Variants in ERC1 observed in about 807,000 individuals in gnomAD.
The protein encoded by ERC1 is ELKS/RAB6-interacting/CAST family member 1.
In ERC1, 56 loss-of-function variants were observed where a neutral mutation model predicts 132.0. The observed-to-expected ratio is 0.42, with a 90% CI of 0.34 to 0.53. ERC1 has a LOEUF of 0.53. Ranked by LOEUF, ERC1 falls within the 20% of genes least tolerant of loss-of-function variation. The probability of loss-of-function intolerance (pLI) is 0.03; values close to 1 mark genes in which losing one functional copy is unlikely to be tolerated. For missense variants in ERC1, 1,202 were observed against 1,349.9 expected (o/e 0.89, Z 1.72); for synonymous variants, 478 against 476.1 (o/e 1.00, Z -0.05).
intron 15 of ERC1, among the ~76,000 whole-genome samples, chr12:1,297,054 G>T (rs547574370): frequency 6.6e-6 from 1 of 152,098 alleles, no homozygotes; most frequent in South Asian, 2.1e-4. Flanking sequence ...AAATACCATA[G>T]TCCAGTTGCT....
intron 15 of ERC1, among the ~76,000 whole-genome samples, chr12:1,326,356 G>A (rs1240062572): frequency 1.3e-5 from 2 of 152,150 alleles, no homozygotes; most frequent in Non-Finnish European, 2.9e-5. Context: ...TGCTTATCAA[G>A]TGATAACTTC....
At chr12:1,265,428 C>T (rs1276479525) in intron 14 of ERC1, among the ~76,000 whole-genome samples, 3 of 152,096 alleles carry the variant, frequency 2.0e-5, no homozygotes, top group Admixed American at 6.6e-5. Flanking sequence ...TAATAGACTT[C>T]GCAGTTTTTA....
Position 1,444,543 on chromosome 12 carries a change from T to C in ERC1, c.3025-19T>C. On this transcript the variant is annotated intron_variant, in intron 17 of 18. Transcript: ENST00000360905. ...ACTTTCCTCATTTTATTTTATTTTA[T>C]TTTATTTTTTTGCCTTAGATCATCC... 2 of 1,534,778 alleles carry C rather than the reference T, an allele frequency of 1.3e-6. No individual in the cohort carries two copies. The highest frequency in any genetic ancestry group is 1.8e-6 in the Non-Finnish European group (2 of 1,126,280).
At chr12:1,273,139 G>A (rs1386845089) in intron 14 of ERC1, among the ~76,000 whole-genome samples, 2 of 152,054 alleles carry the variant, frequency 1.3e-5, no homozygotes, top group African/African-American at 2.4e-5. Flanking sequence ...GTTTTAGAAC[G>A]TTATCCTTAG....
chr12:1,155,334 A>G (rs999959903), intron 8 of ERC1, among the ~76,000 whole-genome samples: 3 of 151,578 alleles, frequency 2.0e-5, no homozygotes, highest in Non-Finnish European at 2.9e-5. Context: ...AAAAAAAAAA[A>G]AAAAGATTTA....
chr12:1,170,166 A>G (rs1335388061), intron 8 of ERC1, among the ~76,000 whole-genome samples: 2 of 152,170 alleles, frequency 1.3e-5, no homozygotes, highest in South Asian at 2.1e-4. Context: ...TGTCTTATTC[A>G]TGTAATAGTG....
At chr12:1,073,774 A>G (rs946434059) in intron 2 of ERC1, among the ~76,000 whole-genome samples, 2 of 152,210 alleles carry the variant, frequency 1.3e-5, no homozygotes, top group African/African-American at 2.4e-5. Context: ...TATGACTGTC[A>G]ACGCATTAGG....
chr12:1,190,780 G>A (rs185665228), intron 12 of ERC1, among the ~76,000 whole-genome samples: 1 of 152,176 alleles, frequency 6.6e-6, no homozygotes, highest in African/African-American at 2.4e-5. Context: ...AAACAACTCT[G>A]CCGGTAGAAC....
intron 18 of ERC1, among the ~76,000 whole-genome samples, chr12:1,445,526 C>T (rs555767108): frequency 3.3e-5 from 5 of 152,196 alleles, no homozygotes; most frequent in East Asian, 3.9e-4. Flanking sequence ...TCACCGCGCC[C>T]GGCCAGTTGT....
intron 18 of ERC1, among the ~76,000 whole-genome samples, chr12:1,467,835 C>T (rs750966502): frequency 7.2e-5 from 11 of 152,156 alleles, no homozygotes; most frequent in Admixed American, 1.3e-4. Flanking sequence ...ATAAGGAGCA[C>T]GCGGCCTAGA....
intron 13 of ERC1, among the ~76,000 whole-genome samples, chr12:1,250,203 A>G (rs1237832716): frequency 6.6e-6 from 1 of 152,108 alleles, no homozygotes; most frequent in Non-Finnish European, 1.5e-5. Context: ...TGTTTTCCTA[A>G]TGTATGCTCT....
At position 1,032,686 on chromosome 12, in the gene ERC1, T is replaced by C. The variant is rs564243620; in HGVS notation, c.669+4114T>C. The stretch of plus-strand genomic sequence containing the variant: ...GCACCAGATAAATGTTCAAATGATA[T>C]ATGACAGCAGAGCAGAGAAGTACAT... On this transcript the variant is annotated intron_variant, in intron 2 of 18. Coordinates refer to ENST00000360905, the MANE Select transcript of ERC1 (RefSeq NM_178040.4). Among the ~76,000 whole-genome samples, 7 of 152,322 alleles carry C rather than the reference T, an allele frequency of 4.6e-5. 1 individual carries two copies. Among genetic ancestry groups the C allele is most frequent in the South Asian group, 4.1e-4 (2 of 4,822 alleles).
At chr12:1,343,895 G>T (rs2084164734) in intron 15 of ERC1, among the ~76,000 whole-genome samples, 1 of 151,746 alleles carries the variant, frequency 6.6e-6, no homozygotes, top group Non-Finnish European at 1.5e-5. Context: ...AGGCTGGAGT[G>T]CAGTGGCGCG....
At chr12:1,243,333 G>C (rs1241349525) in intron 13 of ERC1, among the ~76,000 whole-genome samples, 1 of 152,148 alleles carries the variant, frequency 6.6e-6, no homozygotes, top group Admixed American at 6.5e-5. Flanking sequence ...TTCCAGGGGA[G>C]TGTTAGAACC....
At chr12:1,485,348 G>A (rs892766284) in intron 18 of ERC1, among the ~76,000 whole-genome samples, 2 of 151,400 alleles carry the variant, frequency 1.3e-5, no homozygotes, top group Non-Finnish European at 2.9e-5. Context: ...GGGATTATAG[G>A]CGCCCGCCAC....
chr12:1,377,441 C>T (rs927547983), intron 16 of ERC1, among the ~76,000 whole-genome samples: 2 of 152,192 alleles, frequency 1.3e-5, no homozygotes, highest in African/African-American at 4.8e-5. Context: ...TTCACACTTC[C>T]CCATCCCTAT....
In ERC1 at chr12:1,378,260, G is replaced by A. The variant is rs754269242; in HGVS notation, c.2925+6283G>A. 3.7e-4 allele frequency among the ~76,000 whole-genome samples: 56 copies of A among 152,234 alleles called. 1 individual carries two copies. The Middle Eastern group carries it at 0.01, about 28-fold the overall frequency. On this transcript the variant is annotated intron_variant, in intron 16 of 18. Coordinates refer to ENST00000360905, the MANE Select transcript of ERC1 (RefSeq NM_178040.4). ...TAGCCCAGGGCCCTGACCGCTCCCC[G>A]TTGGAGCAATATTTAGGACCGCCAA...
chr12:1,220,586 A>C (rs915062454), intron 12 of ERC1, among the ~76,000 whole-genome samples: 2 of 152,238 alleles, frequency 1.3e-5, no homozygotes, highest in African/African-American at 2.4e-5. Flanking sequence ...CTTCCAAATG[A>C]AAAAGACTTT....
intron 2 of ERC1, among the ~76,000 whole-genome samples, chr12:1,078,467 A>G (rs1158894843): frequency 6.7e-6 from 1 of 149,212 alleles, no homozygotes; most frequent in Non-Finnish European, 1.5e-5. Flanking sequence ...TTATTCTTCG[A>G]AAGAAATAGC....
Sources: allele counts gnomAD v4.1 joint callset (sites outside exome capture counted in the v4.1 genomes callset), GRCh38; gene constraint gnomAD v4.1.1; transcripts MANE v1.5; gene names NCBI Gene and HGNC (gene_info 2026-07-23, HGNC 2026-07-21).